Variants in UTP20 observed in about 807,000 individuals in gnomAD.
UTP20 encodes UTP20 small subunit processome component, also known as small subunit processome component 20 homolog.
In UTP20, 164 loss-of-function variants were observed where a neutral mutation model predicts 329.5. That is an observed-to-expected ratio of 0.50 (90% confidence interval 0.44 to 0.57). The LOEUF is 0.57. Ranked by LOEUF, UTP20 falls within the 20% of genes least tolerant of loss-of-function variation. The pLI is 0.00. For missense variants in UTP20, 3,055 were observed against 3,284.2 expected (o/e 0.93, Z 1.71); for synonymous variants, 1,151 against 1,159.3 (o/e 0.99, Z 0.14).
intron 17 of UTP20, among the ~76,000 whole-genome samples, chr12:101,307,037 G>T (rs1261036244): frequency 6.6e-6 from 1 of 151,856 alleles, no homozygotes; most frequent in African/African-American, 2.4e-5. Context: ...AATTAGCCAG[G>T]CGTGGTGGCG....
At chr12:101,359,465 CTGTGTGTG>C (rs368060911) in intron 43 of UTP20, among the ~76,000 whole-genome samples, 2 of 148,042 alleles carry the variant, frequency 1.4e-5, no homozygotes, top group Admixed American at 6.8e-5. Flanking sequence ...GTTCCTGAGG[CTGTGTGTG>C]TGTGTGTGTG....
chr12:101,306,374 G>C (rs1012940930), intron 16 of UTP20, among the ~76,000 whole-genome samples: 1 of 151,556 alleles, frequency 6.6e-6, no homozygotes, highest in South Asian at 2.1e-4. Flanking sequence ...TTAGGTATGC[G>C]GAAATACCTG....
Position 101,336,481 on chromosome 12 carries a change from C to A in UTP20, c.3642-1570C>A, listed in dbSNP as rs145120702. ...TTAGGGTGAACATGTACTTTTTTGT[C>A]CAAACTGAAAAACTCCTGAGGTTGA... On this transcript the variant is annotated intron_variant, in intron 29 of 61. Coordinates refer to ENST00000261637, the MANE Select transcript of UTP20 (RefSeq NM_014503.3). Among the ~76,000 whole-genome samples the A allele has an allele frequency of 8.3e-3, 1,263 of 152,056 alleles. 10 individuals are homozygous for A. Among genetic ancestry groups the A allele is most frequent in the Non-Finnish European group, 0.011 (751 of 67,936 alleles).
At chr12:101,371,826 C>T (rs1325308599) in intron 51 of UTP20, among the ~76,000 whole-genome samples, 2 of 152,100 alleles carry the variant, frequency 1.3e-5, no homozygotes, top group African/African-American at 4.8e-5. Flanking sequence ...GCCATGGTGC[C>T]TGGTGGGGCT....
intron 44 of UTP20, among the ~76,000 whole-genome samples, 200 bp from the exon 45 acceptor site, chr12:101,363,376 T>G (rs908869100): frequency 6.6e-6 from 1 of 152,196 alleles, no homozygotes; most frequent in Non-Finnish European, 1.5e-5. Flanking sequence ...GTTTCTTATG[T>G]GTTTGTTTTT....
chr12:101,306,214 C>T (rs1409023003), intron 16 of UTP20, 149 bp downstream of exon 16: 1 of 1,001,214 alleles, frequency 1.0e-6, no homozygotes, highest in African/African-American at 1.7e-5. Context: ...GGCCTGCAAA[C>T]CAATTGCAGT....
chr12:101,302,603 C>T (rs1439373805), intron 15 of UTP20, 50 bp downstream of exon 15: 1 of 1,255,278 alleles, frequency 8.0e-7, no homozygotes, highest in South Asian at 1.4e-5. Context: ...ATATAAAAGC[C>T]TCTATTGTTG....
intron 18 of UTP20, 145 bp downstream of exon 18, chr12:101,308,488 T>C: frequency 2.2e-6 from 1 of 454,616 alleles, no homozygotes. Flanking sequence ...TTCTCTTAGA[T>C]GCTTTGAGTT....
intron 22 of UTP20, among the ~76,000 whole-genome samples, chr12:101,318,651 T>C (rs1012755457): frequency 6.6e-6 from 1 of 151,806 alleles, no homozygotes; most frequent in African/African-American, 2.4e-5. Flanking sequence ...GCCAACATGG[T>C]AAAACGCTGT....
chr12:101,339,141 C>T (rs888911805), intron 31 of UTP20, among the ~76,000 whole-genome samples, 184 bp downstream of exon 31: 6 of 151,942 alleles, frequency 3.9e-5, no homozygotes, highest in Admixed American at 2.6e-4. Flanking sequence ...GGCAAAACCC[C>T]GTCTCTACTA....
intron 12 of UTP20, among the ~76,000 whole-genome samples, chr12:101,299,424 A>T (rs1872456044): frequency 6.6e-6 from 1 of 152,228 alleles, no homozygotes; most frequent in African/African-American, 2.4e-5. Flanking sequence ...TTGAGAAATC[A>T]TACTTAAAAC....
intron 17 of UTP20, among the ~76,000 whole-genome samples, chr12:101,307,400 G>A (rs925385694): frequency 2.6e-5 from 4 of 151,002 alleles, no homozygotes; most frequent in East Asian, 3.9e-4. Context: ...TTCTTTTTAC[G>A]GGGTCTCACT....
intron 43 of UTP20, among the ~76,000 whole-genome samples, chr12:101,360,211 G>A (rs142551123): frequency 4.1e-4 from 62 of 152,224 alleles, no homozygotes; most frequent in African/African-American, 1.1e-3. Flanking sequence ...AGCATCACTC[G>A]TCATCCTCAC....
chr12:101,345,729 A>G (rs1869302002), intron 37 of UTP20, 35 bp downstream of exon 37: 3 of 1,569,208 alleles, frequency 1.9e-6, no homozygotes, highest in Non-Finnish European at 2.6e-6. Context: ...TACCTACGAC[A>G]TAAGCATACA....
At chr12:101,311,697 T>C in intron 19 of UTP20, 22 bp from the exon 20 acceptor site, 1 of 1,595,050 alleles carries the variant, frequency 6.3e-7, no homozygotes, top group Admixed American at 1.8e-5. Context: ...CTTTTTATTT[T>C]GTGATTTTTT....
intron 48 of UTP20, among the ~76,000 whole-genome samples, chr12:101,369,463 A>G (rs923605338): frequency 2.6e-5 from 4 of 152,192 alleles, no homozygotes; most frequent in African/African-American, 9.6e-5. Context: ...TAAAAAGAAT[A>G]TGGTGCCTTT....
intron 6 of UTP20, among the ~76,000 whole-genome samples, chr12:101,289,605 A>C (rs1872075612): frequency 6.6e-6 from 1 of 152,020 alleles, no homozygotes; most frequent in Admixed American, 6.6e-5. Context: ...TTGTATTGTT[A>C]TTTAGGTTTG....
Position 101,285,849 on chromosome 12 carries a change from TA to T in UTP20, c.296del (p.Lys99ArgfsTer33). On this transcript the variant is annotated frameshift_variant, in exon 4 of 62. Coordinates refer to ENST00000261637, the MANE Select transcript of UTP20 (RefSeq NM_014503.3). LOFTEE classifies it high-confidence loss of function. The part of the protein sequence containing the change: ...VQSLKTHLQV[K>X]NSFAYQPLLD... ...AGAGTTTGAAGACTCACCTGCAAGT[TA>T]AGAACAGTTTTGCCTATCAACCCCT... 1 of 1,613,882 alleles carries T rather than the reference TA, an allele frequency of 6.2e-7. No individual in the cohort carries two copies. Among genetic ancestry groups the T allele is most frequent in the Non-Finnish European group, 8.5e-7 (1 of 1,179,882 alleles).
intron 52 of UTP20, 59 bp from the exon 53 acceptor site, chr12:101,373,342 A>T: frequency 6.8e-7 from 1 of 1,472,176 alleles, no homozygotes; most frequent in Middle Eastern, 1.7e-4. Flanking sequence ...TTCATTTTTT[A>T]AATAATTATT....
Sources: gnomAD v4.1 joint callset for allele counts (sites outside exome capture counted in the v4.1 genomes callset) on GRCh38, gnomAD v4.1.1 for gene constraint, MANE v1.5 for transcripts, NCBI Gene and HGNC (gene_info 2026-07-23, HGNC 2026-07-21) for gene names.